Variants in LARGE1 observed in about 807,000 individuals in gnomAD.
The protein encoded by LARGE1 is LARGE xylosyl- and glucuronyltransferase 1.
LARGE1 carries 43 observed loss-of-function variants against 87.6 expected under a neutral mutation model. The observed-to-expected ratio is 0.49, with a 90% CI of 0.38 to 0.63. LARGE1 has a LOEUF of 0.63. Among genes scored for constraint, LARGE1 ranks in the 30% least tolerant of loss-of-function variants. LARGE1 has a pLI of 0.00. For missense variants in LARGE1, 802 were observed against 1,000.2 expected (o/e 0.80, Z 2.67); for synonymous variants, 434 against 394.6 (o/e 1.10, Z -1.18).
intron 1 of LARGE1, among the ~76,000 whole-genome samples, chr22:33,833,498 G>A (rs2063029934): frequency 6.6e-6 from 1 of 152,142 alleles, no homozygotes; most frequent in African/African-American, 2.4e-5. Flanking sequence ...GCCAAGGAGA[G>A]AGGCCCTGGA....
chr22:33,264,889 C>CTTTTTTTTTTTTTTTTTTTTTTTTTTTT (rs200074908), intron 11 of LARGE1, among the ~76,000 whole-genome samples: 3 of 74,374 alleles, frequency 4.0e-5, no homozygotes, highest in Non-Finnish European at 6.9e-5. Context: ...TGATCAAATT[C>CTTTTTTTTTTTTTTTTTTTTTTTTTTTT]TTTTTTTTTT....
At chr22:33,619,775 T>C (rs1010357621) in intron 4 of LARGE1, among the ~76,000 whole-genome samples, 8 of 152,086 alleles carry the variant, frequency 5.3e-5, no homozygotes, top group Non-Finnish European at 1.2e-4. Context: ...CCTGAAGGCA[T>C]ATGAGGAATC....
chr22:33,264,323 C>A (rs1262307615), intron 11 of LARGE1, among the ~76,000 whole-genome samples: 2 of 152,186 alleles, frequency 1.3e-5, no homozygotes, highest in Non-Finnish European at 2.9e-5. Context: ...AGAAATCAGG[C>A]CTAAATCAAA....
intron 6 of LARGE1, among the ~76,000 whole-genome samples, chr22:33,559,266 C>G (rs2077784622): frequency 6.6e-6 from 1 of 152,204 alleles, no homozygotes; most frequent in African/African-American, 2.4e-5. Context: ...ACTGCAACCT[C>G]TGCCTCCCGG....
At chr22:33,387,762 T>C (rs972681258) in intron 7 of LARGE1, among the ~76,000 whole-genome samples, 3 of 152,238 alleles carry the variant, frequency 2.0e-5, no homozygotes, top group Non-Finnish European at 4.4e-5. Flanking sequence ...TGTTAGCCAG[T>C]CTTTTCTTTT....
chr22:33,180,877 C>T (rs899674093), intron 11 of LARGE1, among the ~76,000 whole-genome samples: 4 of 152,012 alleles, frequency 2.6e-5, no homozygotes, highest in Admixed American at 1.3e-4. Flanking sequence ...ATAGGCAAAT[C>T]GAGAGACAAA....
intron 1 of LARGE1, among the ~76,000 whole-genome samples, chr22:33,774,310 T>TA (rs1232527592): frequency 4.6e-5 from 7 of 151,826 alleles, no homozygotes; most frequent in Middle Eastern, 3.4e-3. Flanking sequence ...ACAGTTGACT[T>TA]AAAAAAAGGG....
chr22:33,754,503 T>G (rs1466152550), intron 2 of LARGE1, among the ~76,000 whole-genome samples: 4 of 151,624 alleles, frequency 2.6e-5, no homozygotes, highest in African/African-American at 7.3e-5. Flanking sequence ...GCCCGGCTAA[T>G]TTTTTTGTAT....
At chr22:33,854,438 G>A (rs139078291) in intron 1 of LARGE1, among the ~76,000 whole-genome samples, 1 of 151,982 alleles carries the variant, frequency 6.6e-6, no homozygotes, top group African/African-American at 2.4e-5. Flanking sequence ...TTTCACCATC[G>A]GCTCACATCA....
At chr22:33,525,354 T>C (rs1233996606) in intron 6 of LARGE1, among the ~76,000 whole-genome samples, 1 of 152,144 alleles carries the variant, frequency 6.6e-6, no homozygotes, top group Non-Finnish European at 1.5e-5. Context: ...AAGTATGATC[T>C]CCAAGAAGAA....
chr22:33,546,077 T>C (rs986954948), intron 6 of LARGE1, among the ~76,000 whole-genome samples: 1 of 152,248 alleles, frequency 6.6e-6, no homozygotes, highest in Admixed American at 6.5e-5. Context: ...CTGATTAGTA[T>C]GACCTGGTCA....
At chr22:33,627,936 C>T (rs1018158905) in intron 3 of LARGE1, among the ~76,000 whole-genome samples, 2 of 152,144 alleles carry the variant, frequency 1.3e-5, no homozygotes, top group African/African-American at 4.8e-5. Flanking sequence ...GTCCCTTTGC[C>T]GTTGACTGTT....
At chr22:33,380,019 G>A in intron 9 of LARGE1, among the ~76,000 whole-genome samples, 1 of 152,134 alleles carries the variant, frequency 6.6e-6, no homozygotes, top group African/African-American at 2.4e-5. Context: ...TCCCTTCCAA[G>A]GGCAAAGGTG....
intron 5 of LARGE1, among the ~76,000 whole-genome samples, chr22:33,573,871 A>G (rs918352711): frequency 6.6e-6 from 1 of 152,090 alleles, no homozygotes; most frequent in Admixed American, 6.6e-5. Context: ...GATGCCAGCT[A>G]TCAATAAGAA....
intron 2 of LARGE1, among the ~76,000 whole-genome samples, chr22:33,653,590 A>C (rs1165813650): frequency 6.6e-6 from 1 of 152,144 alleles, no homozygotes; most frequent in Non-Finnish European, 1.5e-5. Context: ...GGGAACATAA[A>C]ATGTTCCAGT....
chr22:33,613,924 G>A lies in LARGE1; in HGVS notation c.492-9366C>T, dbSNP rs116592658. 4.7e-3 allele frequency among the ~76,000 whole-genome samples: 723 copies of A among 152,240 alleles called. 3 individuals carry two copies. The highest frequency in any genetic ancestry group is 0.016 in the African/African-American group (668 of 41,536). On this transcript the variant is annotated intron_variant, in intron 4 of 14. Coordinates refer to ENST00000397394, the MANE Select transcript of LARGE1 (RefSeq NM_133642.5). ...GTTTCCCCTTGAATTTCCTGCCTGCGTTAAAGGTGCCTCATTCACCCAGCC... is the reference window on the plus strand; with the variant it reads ...GTTTCCCCTTGAATTTCCTGCCTGCATTAAAGGTGCCTCATTCACCCAGCC...
At chr22:33,705,877 T>C (rs2082547630) in intron 2 of LARGE1, among the ~76,000 whole-genome samples, 1 of 152,224 alleles carries the variant, frequency 6.6e-6, no homozygotes, top group Non-Finnish European at 1.5e-5. Context: ...CGTGCAGGCA[T>C]TGTGTAAGGC....
At chr22:33,665,913 C>G (rs1265312464) in intron 2 of LARGE1, among the ~76,000 whole-genome samples, 1 of 150,162 alleles carries the variant, frequency 6.7e-6, no homozygotes, top group Non-Finnish European at 1.5e-5. Context: ...AAAAAAAAAG[C>G]AGAAACAGAG....
intron 11 of LARGE1, among the ~76,000 whole-genome samples, chr22:33,265,291 C>G (rs1026685855): frequency 6.6e-6 from 1 of 152,088 alleles, no homozygotes; most frequent in Non-Finnish European, 1.5e-5. Context: ...TTAGCAAGAA[C>G]CAAGCAACCC....
Sources: allele counts gnomAD v4.1 joint callset (sites outside exome capture counted in the v4.1 genomes callset), GRCh38; gene constraint gnomAD v4.1.1; transcripts MANE v1.5; gene names NCBI Gene and HGNC (gene_info 2026-07-23, HGNC 2026-07-21).